GRID2: variants seen among roughly 807,000 people sequenced by gnomAD.
The protein encoded by GRID2 is glutamate receptor ionotropic, delta-2.
A neutral mutation model predicts 114.8 loss-of-function variants in GRID2; 33 were observed. The ratio of observed to expected loss-of-function variants is 0.29; its 90% confidence interval spans 0.22 to 0.38. The LOEUF (loss-of-function observed/expected upper bound fraction) is 0.38, where lower values mean the gene tolerates loss of function less well. Ranked by LOEUF, GRID2 falls within the 10% of genes least tolerant of loss-of-function variation. The pLI, the probability that GRID2 is intolerant of heterozygous loss-of-function variation, is 1.00. For missense variants in GRID2, 1,184 were observed against 1,257.7 expected (o/e 0.94, Z 0.89); for synonymous variants, 505 against 449.9 (o/e 1.12, Z -1.55).
chr4:93,260,884 A>G (rs1329268671), intron 8 of GRID2, among the ~76,000 whole-genome samples: 2 of 151,872 alleles, frequency 1.3e-5, no homozygotes, highest in Non-Finnish European at 2.9e-5. Flanking sequence ...ATTACATTCA[A>G]TGGTTGACAT....
chr4:93,777,590 A>G (rs1734392712), downstream of GRID2, among the ~76,000 whole-genome samples: 1 of 152,212 alleles, frequency 6.6e-6, no homozygotes, highest in Admixed American at 6.5e-5. Flanking sequence ...GAAACCCAAT[A>G]CATTCCTACC....
intron 2 of GRID2, among the ~76,000 whole-genome samples, chr4:92,701,175 G>A (rs929154312): frequency 2.0e-5 from 3 of 152,164 alleles, no homozygotes; most frequent in South Asian, 2.1e-4. Context: ...ATCTCATAGG[G>A]TTGTTGTGAG....
chr4:92,616,268 G>T (rs1443358014), intron 2 of GRID2, among the ~76,000 whole-genome samples: 5 of 137,360 alleles, frequency 3.6e-5, no homozygotes, highest in Non-Finnish European at 6.4e-5. Context: ...TTGGTTGACA[G>T]ATTTTTTTTT....
At chr4:93,307,051 C>A (rs1755501593) in intron 8 of GRID2, among the ~76,000 whole-genome samples, 1 of 151,724 alleles carries the variant, frequency 6.6e-6, no homozygotes, top group Non-Finnish European at 1.5e-5. Context: ...CAAAAATTAG[C>A]TGGGCATGGT....
At chr4:92,795,745 T>G (rs1739833944) in intron 2 of GRID2, among the ~76,000 whole-genome samples, 1 of 152,048 alleles carries the variant, frequency 6.6e-6, no homozygotes, top group African/African-American at 2.4e-5. Context: ...ATTGTTAATT[T>G]GATTTCTGGC....
At chr4:92,325,564 AAT>A (rs553709121) in intron 1 of GRID2, among the ~76,000 whole-genome samples, 2 of 151,924 alleles carry the variant, frequency 1.3e-5, no homozygotes, top group Non-Finnish European at 2.9e-5. Context: ...ACTGCCTATG[AAT>A]ATATGAGTTA....
intron 14 of GRID2, among the ~76,000 whole-genome samples, chr4:93,662,468 C>CT (rs1222658437): frequency 9.2e-5 from 14 of 152,066 alleles, no homozygotes; most frequent in African/African-American, 3.1e-4. Context: ...TTTTCAGTGA[C>CT]TTTTTTTTGC....
chr4:93,696,769 A>T (rs1727055481), intron 14 of GRID2, among the ~76,000 whole-genome samples: 1 of 152,142 alleles, frequency 6.6e-6, no homozygotes, highest in Non-Finnish European at 1.5e-5. Flanking sequence ...CTCAAATATC[A>T]GTTTGAGCTT....
At chr4:93,321,422 T>C (rs1043653887) in intron 8 of GRID2, among the ~76,000 whole-genome samples, 1 of 152,092 alleles carries the variant, frequency 6.6e-6, no homozygotes, top group Non-Finnish European at 1.5e-5. Context: ...ATACAGGTGA[T>C]GGTATAATTT....
At chr4:93,427,440 A>G (rs1308927837) in intron 10 of GRID2, among the ~76,000 whole-genome samples, 1 of 152,042 alleles carries the variant, frequency 6.6e-6, no homozygotes, top group East Asian at 1.9e-4. Context: ...TAAGAATTTT[A>G]AAATTAACAG....
chr4:92,669,058 C>T (rs77507500), intron 2 of GRID2, among the ~76,000 whole-genome samples: 2 of 151,604 alleles, frequency 1.3e-5, no homozygotes, highest in African/African-American at 4.8e-5. Flanking sequence ...TATATTGATA[C>T]GGTTTTAAAA....
chr4:92,948,607 T>A (rs568589652), intron 2 of GRID2, among the ~76,000 whole-genome samples: 1 of 152,076 alleles, frequency 6.6e-6, no homozygotes, highest in African/African-American at 2.4e-5. Context: ...TAAGAAAAAC[T>A]CTGTTTTATA....
intron 2 of GRID2, among the ~76,000 whole-genome samples, chr4:92,881,114 G>A (rs143158596): frequency 0.012 from 1,891 of 152,230 alleles, 19 homozygotes; most frequent in Non-Finnish European, 0.02. Flanking sequence ...AGTTGGCCAG[G>A]CTGGAATCCA....
chr4:93,067,350 A>G (rs1458645323), intron 2 of GRID2, among the ~76,000 whole-genome samples: 1 of 151,992 alleles, frequency 6.6e-6, no homozygotes, highest in African/African-American at 2.4e-5. Flanking sequence ...AAAGAAATGT[A>G]CCTCTCACAG....
At chr4:93,789,014 G>T (rs1453538121) in intron 1 of GRID2, among the ~76,000 whole-genome samples, 1 of 152,068 alleles carries the variant, frequency 6.6e-6, no homozygotes, top group Non-Finnish European at 1.5e-5. Context: ...GTGTCTTTAA[G>T]GAACAGAGAA....
intron 8 of GRID2, among the ~76,000 whole-genome samples, chr4:93,365,933 G>A (rs1023162324): frequency 2.0e-5 from 3 of 152,042 alleles, no homozygotes. Context: ...AACATAAATT[G>A]TAAAGATTTC....
intron 1 of GRID2, among the ~76,000 whole-genome samples, chr4:93,795,286 C>T (rs1280876707): frequency 1.3e-5 from 2 of 151,680 alleles, no homozygotes; most frequent in Admixed American, 6.6e-5. Flanking sequence ...TTTCGGAAAT[C>T]ACAATAAGGC....
chr4:92,916,941 G>A (rs1233441806), intron 2 of GRID2, among the ~76,000 whole-genome samples: 5 of 152,170 alleles, frequency 3.3e-5, no homozygotes, highest in Non-Finnish European at 7.3e-5. Flanking sequence ...TCGCCACACT[G>A]ACTTCCACAA....
At chr4:93,743,465 G>T (rs896571732) in intron 14 of GRID2, among the ~76,000 whole-genome samples, 1 of 152,170 alleles carries the variant, frequency 6.6e-6, no homozygotes, top group African/African-American at 2.4e-5. Context: ...AAATACCTGA[G>T]ACTGAGTAAT....
Sources: allele counts gnomAD v4.1 joint callset (sites outside exome capture counted in the v4.1 genomes callset), GRCh38; gene constraint gnomAD v4.1.1; transcripts MANE v1.5; gene names NCBI Gene and HGNC (gene_info 2026-07-23, HGNC 2026-07-21).